Variants in NOS1 observed in about 807,000 individuals in gnomAD.
The protein encoded by NOS1 is nitric oxide synthase 1.
In NOS1, 51 loss-of-function variants were observed where a neutral mutation model predicts 164.5. The observed-to-expected ratio is 0.31, with a 90% confidence interval of 0.25 to 0.39. The LOEUF (loss-of-function observed/expected upper bound fraction) is 0.39. Ranked by LOEUF, NOS1 falls within the 10% of genes least tolerant of loss-of-function variation. The probability of loss-of-function intolerance (pLI) is 1.00; values close to 1 mark genes in which losing one functional copy is unlikely to be tolerated. For synonymous variants in NOS1, 719 were observed against 745.8 expected (o/e 0.96, Z 0.59); for missense variants, 1,362 against 1,885.6 (o/e 0.72, Z 5.14).
chr12:117,280,951 C>A, intron 7 of NOS1, 85 bp from the exon 8 acceptor site: 2 of 1,495,484 alleles, frequency 1.3e-6, no homozygotes, highest in Non-Finnish European at 1.8e-6. Flanking sequence ...CCCAGGGCGA[C>A]AGCTGCTTGA....
At chr12:117,223,221 C>T (rs550269872) in intron 25 of NOS1, among the ~76,000 whole-genome samples, 19 of 152,136 alleles carry the variant, frequency 1.2e-4, no homozygotes, top group Middle Eastern at 6.8e-3. Context: ...TGGAGCTAGA[C>T]GGCCTGGTTG....
rs142359654 is a variant in NOS1, at chr12:117,337,176, C to T, written c.-420-5687G>A. Reference sequence around the variant, plus strand: ...TGTCGCCCAGGCTGGAGTGCAGTGGCGCGATCTCGGCTCACCGCAAGCTCT... The same window carrying T: ...TGTCGCCCAGGCTGGAGTGCAGTGGTGCGATCTCGGCTCACCGCAAGCTCT... On this transcript the variant is annotated intron_variant, in intron 1 of 28. Coordinates refer to ENST00000317775, the MANE Select transcript of NOS1 (RefSeq NM_000620.5). 9.5e-3 allele frequency among the ~76,000 whole-genome samples: 1,252 copies of T among 132,026 alleles called. 20 individuals are homozygous for T. Among genetic ancestry groups the T allele is most frequent in the African/African-American group, 0.035 (1,178 of 34,066 alleles). 86.6% of individuals were successfully genotyped at this position (132,026 alleles called of 152,430 possible).
intron 3 of NOS1, among the ~76,000 whole-genome samples, chr12:117,294,851 A>C (rs576825261): frequency 6.6e-6 from 1 of 152,250 alleles, no homozygotes; most frequent in South Asian, 2.1e-4. Flanking sequence ...CCCGCCCCTA[A>C]GTGTGCAAAG....
intron 25 of NOS1, among the ~76,000 whole-genome samples, chr12:117,223,695 C>T (rs1043141924): frequency 6.6e-6 from 1 of 151,140 alleles, no homozygotes; most frequent in Non-Finnish European, 1.5e-5. Context: ...ACTCTTGTTG[C>T]CCAAGGTGGA....
chr12:117,258,523 G>A, intron 15 of NOS1, 68 bp from the exon 16 acceptor site: 1 of 1,505,408 alleles, frequency 6.6e-7, no homozygotes, highest in Non-Finnish European at 9.2e-7. Context: ...CGGATACTGA[G>A]GGTCTGGGGT....
At chr12:117,268,249 T>C in intron 10 of NOS1, 105 bp from the exon 11 acceptor site, 1 of 776,518 alleles carries the variant, frequency 1.3e-6, no homozygotes, top group Non-Finnish European at 2.2e-6. Flanking sequence ...TCTTTTTTTT[T>C]AAATGGACTC....
At chr12:117,285,028 C>T (rs41395745) in intron 7 of NOS1, among the ~76,000 whole-genome samples, 161 of 140,794 alleles carry the variant, frequency 1.1e-3, no homozygotes, top group African/African-American at 3.9e-3. Flanking sequence ...CCAGCCTGGG[C>T]GACAGAGCAA....
At position 117,268,082 on chromosome 12, in the gene NOS1, C is replaced by A. The variant is rs750444386; in HGVS notation, c.1902G>T (p.Ala634=). The part of the protein sequence containing the change: ...RKTSSLWKDQ[A]LVEINIAVLY... ...GAACCGCGATATTGATCTCCACCAG[C>A]GCCTGGTCCTTCCACAGGGAGGACG... Residue 634 remains alanine, a synonymous_variant, in exon 11 of 29, where the codon GCG becomes GCT. Transcript: ENST00000317775. 1 of 1,614,062 alleles carries A rather than the reference C, an allele frequency of 6.2e-7. No homozygotes were observed. The highest frequency in any genetic ancestry group is 2.2e-5 in the East Asian group (1 of 44,882).
rs977661292 is a variant in NOS1 at position 117,215,202 on chromosome 12, A to G, written c.*107T>C. 7 of 1,357,474 alleles carry G rather than the reference A, an allele frequency of 5.2e-6. No homozygotes were observed. Among genetic ancestry groups the G allele is most frequent in the African/African-American group, 3.0e-5 (2 of 67,692 alleles). The allele number at this position is 1,357,474 out of a possible 1,614,324, so 84.1% of individuals were successfully genotyped here. A position where few individuals can be genotyped will look rare whatever the true frequency, so the allele number is the denominator to read the frequency against. On this transcript the variant is annotated 3_prime_UTR_variant, in exon 29 of 29. Coordinates refer to ENST00000317775, the MANE Select transcript of NOS1 (RefSeq NM_000620.5). Reference sequence around the variant, plus strand: ...CGAGGAGGGAAACCAGGGCACAGCGACAAGGACAGGAGGCAGAGCGAGGGC... The same window carrying G: ...CGAGGAGGGAAACCAGGGCACAGCGGCAAGGACAGGAGGCAGAGCGAGGGC...
intron 1 of NOS1, among the ~76,000 whole-genome samples, chr12:117,343,814 CA>C (rs1876222841): frequency 6.6e-6 from 1 of 151,944 alleles, no homozygotes; most frequent in African/African-American, 2.4e-5. Flanking sequence ...AAAAGGTGCT[CA>C]GGGAAGAAAA....
Position 117,220,109 on chromosome 12 carries a change from G to A in NOS1, c.4136C>T (p.Ala1379Val), listed in dbSNP as rs1045377073. The A allele has an allele frequency of 6.2e-7, 1 of 1,613,104 alleles. No homozygotes were observed. Among genetic ancestry groups the A allele is most frequent in the Non-Finnish European group, 8.5e-7 (1 of 1,179,598 alleles). ...RIMTQQGKLS[A>V]EDAGVFISRM... The stretch of plus-strand genomic sequence containing the variant: ...GCTGATGAATACGCCGGCGTCCTCT[G>A]CCGAGAGCTTCCCCTGCTGGGTCAT... The change falls in exon 27 of 29, where the codon GCA (alanine) becomes GTA (valine). Residue 1379 changes from alanine (A) to valine (V), a missense_variant. Around this residue, in one of 4 missense-constraint regions of NOS1, gnomAD observed 737 missense variants for 1,030.3 expected, o/e 0.72. Transcript: ENST00000317775.
chr12:117,275,157 T>G (rs1222389925), intron 9 of NOS1, among the ~76,000 whole-genome samples: 1 of 151,946 alleles, frequency 6.6e-6, no homozygotes, highest in Non-Finnish European at 1.5e-5. Flanking sequence ...TACACACATA[T>G]ATATATACAC....
At position 117,260,466 on chromosome 12, in the gene NOS1, T is replaced by C; in HGVS notation, c.2366A>G (p.Lys789Arg). 1 of 1,613,492 alleles carries C rather than the reference T, an allele frequency of 6.2e-7. No individual in the cohort carries two copies. Among genetic ancestry groups the C allele is most frequent in the Non-Finnish European group, 8.5e-7 (1 of 1,179,470 alleles). ...CEIFKHAFDA[K>R]VMSMEEYDIV... is the part of the protein sequence containing the mutation. ...GAGCTAGGGCTACCCCCCACCTACC[T>C]TGGCATCAAAGGCGTGTTTGAAGAT... The change falls in exon 14 of 29, where the codon AAG becomes AGG. Residue 789 changes from lysine to arginine, a missense_variant and splice_region_variant. Lys to Arg is a conservative substitution (Grantham distance 26, BLOSUM62 2). Around this residue, in one of 4 missense-constraint regions of NOS1, gnomAD observed 737 missense variants for 1,030.3 expected, o/e 0.72. Coordinates refer to ENST00000317775, the MANE Select transcript of NOS1 (RefSeq NM_000620.5).
At chr12:117,265,808 T>A (rs1285707695) in intron 11 of NOS1, among the ~76,000 whole-genome samples, 1 of 152,040 alleles carries the variant, frequency 6.6e-6, no homozygotes, top group Non-Finnish European at 1.5e-5. Context: ...TTCTTTTTTT[T>A]GAGACGGAGT....
chr12:117,295,990 T>C (rs1346485117), intron 3 of NOS1, among the ~76,000 whole-genome samples: 1 of 152,098 alleles, frequency 6.6e-6, no homozygotes, highest in East Asian at 1.9e-4. Flanking sequence ...ACCCTTACCA[T>C]GCTTTGTTTT....
chr12:117,323,465 A>G (rs2136067499), intron 2 of NOS1, among the ~76,000 whole-genome samples: 1 of 152,372 alleles, frequency 6.6e-6, no homozygotes, highest in African/African-American at 2.4e-5. Flanking sequence ...ATTTGGGGTC[A>G]AGTCCTGGCT....
At chr12:117,283,338 G>A (rs918127227) in intron 7 of NOS1, among the ~76,000 whole-genome samples, 4 of 152,058 alleles carry the variant, frequency 2.6e-5, no homozygotes, top group African/African-American at 7.2e-5. Context: ...CTGGGATTTC[G>A]GGCGTGAGCC....
At chr12:117,310,942 T>C (rs963844643) in intron 3 of NOS1, among the ~76,000 whole-genome samples, 1 of 152,138 alleles carries the variant, frequency 6.6e-6, no homozygotes, top group African/African-American at 2.4e-5. Flanking sequence ...CTCGGCTCAC[T>C]GCAAGTTCCG....
intron 1 of NOS1, among the ~76,000 whole-genome samples, chr12:117,347,034 C>T (rs1029815982): frequency 4.6e-5 from 7 of 152,078 alleles, no homozygotes; most frequent in Non-Finnish European, 8.8e-5. Flanking sequence ...CACCTGTAAT[C>T]CCAGCACTTT....
Sources: allele counts gnomAD v4.1 joint callset (sites outside exome capture counted in the v4.1 genomes callset), GRCh38; gene constraint gnomAD v4.1.1; regional missense constraint gnomAD v4.1.1; transcripts MANE v1.5; gene names NCBI Gene and HGNC (gene_info 2026-07-23, HGNC 2026-07-21).